PRELID2: variants seen among roughly 807,000 people sequenced by gnomAD.
PRELID2 encodes the protein PRELI domain containing 2.
A neutral mutation model predicts 28.4 loss-of-function variants in PRELID2; 25 were observed. The ratio of observed to expected loss-of-function variants is 0.88; its 90% CI spans 0.64 to 1.23. The LOEUF (loss-of-function observed/expected upper bound fraction) is 1.23, where lower values mean the gene tolerates loss of function less well. Among genes scored for constraint, PRELID2 ranks in the 50% most tolerant of loss-of-function variants. PRELID2 has a pLI of 0.00. For missense variants in PRELID2, 201 were observed against 214.4 expected (o/e 0.94, Z 0.39); for synonymous variants, 76 against 71.6 (o/e 1.06, Z -0.31).
the PRELID2 span, among the ~76,000 whole-genome samples, chr5:145,409,274 A>G: frequency 6.6e-6 from 1 of 152,332 alleles, no homozygotes; most frequent in East Asian, 1.9e-4. Flanking sequence ...TCCTTAAAGC[A>G]TAAATCTCAC....
At chr5:145,737,561 T>C (rs1335948233) in intron 1 of PRELID2, among the ~76,000 whole-genome samples, 1 of 152,218 alleles carries the variant, frequency 6.6e-6, no homozygotes, top group African/African-American at 2.4e-5. Flanking sequence ...TCCCAGGTAC[T>C]AGAGAAGCTG....
intron 1 of PRELID2, among the ~76,000 whole-genome samples, chr5:145,730,655 C>A (rs1416431751): frequency 1.3e-5 from 2 of 152,148 alleles, no homozygotes; most frequent in African/African-American, 4.8e-5. Flanking sequence ...GCATCGCCAT[C>A]TTGGACAAGC....
chr5:145,338,000 T>G, the PRELID2 span: 1 of 152,080 alleles, frequency 6.6e-6, no homozygotes, highest in African/African-American at 2.4e-5. Flanking sequence ...TGGAGGGAAA[T>G]AAAATGTGAT....
intron 1 of PRELID2, among the ~76,000 whole-genome samples, chr5:145,675,397 A>G (rs1050800852): frequency 6.6e-6 from 1 of 152,212 alleles, no homozygotes; most frequent in African/African-American, 2.4e-5. Flanking sequence ...TCTTTTGGCA[A>G]GGTTGGAGGA....
At chr5:145,586,939 GA>G (rs1396003158) in intron 1 of PRELID2, among the ~76,000 whole-genome samples, 2 of 152,052 alleles carry the variant, frequency 1.3e-5, no homozygotes, top group Non-Finnish European at 2.9e-5. Context: ...ATATGACAAA[GA>G]AAGAGACAGG....
the PRELID2 span, among the ~76,000 whole-genome samples, chr5:145,394,598 T>C: frequency 6.6e-6 from 1 of 152,022 alleles, no homozygotes; most frequent in Non-Finnish European, 1.5e-5. Flanking sequence ...TAAAATAAAG[T>C]AAAATAAATA....
the PRELID2 span, among the ~76,000 whole-genome samples, chr5:145,337,249 A>G: frequency 6.6e-6 from 1 of 152,050 alleles, no homozygotes; most frequent in African/African-American, 2.4e-5. Context: ...GACAAAACAC[A>G]ATAGAAAAGA....
the PRELID2 span, among the ~76,000 whole-genome samples, chr5:145,390,424 T>C: frequency 3.9e-5 from 6 of 152,174 alleles, no homozygotes; most frequent in Non-Finnish European, 7.3e-5. Flanking sequence ...CATACCTCTC[T>C]TCACAAGCTG....
intron 1 of PRELID2, among the ~76,000 whole-genome samples, chr5:145,608,858 C>A (rs544941824): frequency 1.3e-5 from 2 of 152,340 alleles, no homozygotes; most frequent in East Asian, 3.9e-4. Context: ...GATTTCTCTT[C>A]TTCCCTTTCA....
intron 1 of PRELID2, among the ~76,000 whole-genome samples, chr5:145,500,587 T>C (rs978932943): frequency 5.3e-5 from 8 of 152,150 alleles, no homozygotes; most frequent in Admixed American, 3.9e-4. Flanking sequence ...CACAGAACTA[T>C]GGAGAGCTTT....
intron 1 of PRELID2, among the ~76,000 whole-genome samples, chr5:145,494,091 A>G (rs1381146900): frequency 6.6e-6 from 1 of 152,156 alleles, no homozygotes; most frequent in Admixed American, 6.5e-5. Context: ...TTTGTCCTTC[A>G]CAAAGCTCAG....
chr5:145,442,431 C>T, the PRELID2 span, among the ~76,000 whole-genome samples: 2 of 151,880 alleles, frequency 1.3e-5, no homozygotes, highest in African/African-American at 2.4e-5. Flanking sequence ...CTCTCTATTG[C>T]ACCCACAATG....
chr5:145,551,743 ACT>A (rs1752837223), intron 1 of PRELID2, among the ~76,000 whole-genome samples: 1 of 152,102 alleles, frequency 6.6e-6, no homozygotes, highest in South Asian at 2.1e-4. Flanking sequence ...TAATAAAGAG[ACT>A]CTTTACAAAA....
chr5:145,536,720 T>C (rs1752702312), intron 1 of PRELID2, among the ~76,000 whole-genome samples: 1 of 151,872 alleles, frequency 6.6e-6, no homozygotes, highest in Non-Finnish European at 1.5e-5. Context: ...AATGAAATAT[T>C]GGTTTTAAGG....
At chr5:145,415,626 C>A in the PRELID2 span, among the ~76,000 whole-genome samples, 1 of 150,510 alleles carries the variant, frequency 6.6e-6, no homozygotes, top group Non-Finnish European at 1.5e-5. Context: ...TTTTTTATGG[C>A]TGCATAGTAT....
the PRELID2 span, among the ~76,000 whole-genome samples, chr5:145,285,405 C>T: frequency 9.2e-5 from 14 of 152,094 alleles, no homozygotes; most frequent in Non-Finnish European, 1.8e-4. Flanking sequence ...CCGCTCCGCC[C>T]AGTTTCCCTT....
At chr5:145,357,546 T>C in the PRELID2 span, among the ~76,000 whole-genome samples, 1 of 152,198 alleles carries the variant, frequency 6.6e-6, no homozygotes, top group Non-Finnish European at 1.5e-5. Flanking sequence ...ACACTTGCAA[T>C]GGTACTATGA....
chr5:145,653,914 T>G (rs62392288), intron 1 of PRELID2, among the ~76,000 whole-genome samples: 5,010 of 151,736 alleles, frequency 0.033, 173 homozygotes, highest in African/African-American at 0.082. Context: ...AGAAGTGAAG[T>G]AGATAGAGAC....
chr5:145,528,177 A>G (rs955392253), intron 1 of PRELID2, among the ~76,000 whole-genome samples: 2 of 152,094 alleles, frequency 1.3e-5, no homozygotes, highest in Non-Finnish European at 2.9e-5. Flanking sequence ...AGATAGCTCA[A>G]CACCTCATAG....
Sources: gnomAD v4.1 joint callset for allele counts (sites outside exome capture counted in the v4.1 genomes callset) on GRCh38, gnomAD v4.1.1 for gene constraint, MANE v1.5 for transcripts, NCBI Gene and HGNC (gene_info 2026-07-23, HGNC 2026-07-21) for gene names.